The following ELMO1 variants were observed in gnomAD, a reference collection of about 807,000 sequenced individuals.
The protein encoded by ELMO1 is engulfment and cell motility protein 1.
In ELMO1, 26 loss-of-function variants were observed where a neutral mutation model predicts 98.9. The ratio of observed to expected loss-of-function variants is 0.26; its 90% confidence interval spans 0.19 to 0.36. The LOEUF (loss-of-function observed/expected upper bound fraction) is 0.36. Ranked by LOEUF, ELMO1 falls within the 10% of genes least tolerant of loss-of-function variation. The probability of loss-of-function intolerance (pLI) is 1.00; values close to 1 mark genes in which losing one functional copy is unlikely to be tolerated. For synonymous variants in ELMO1, 346 were observed against 346.0 expected (o/e 1.00, Z 0.00); for missense variants, 627 against 935.2 (o/e 0.67, Z 4.30).
chr7:37,037,923 G>A (rs887553830), intron 15 of ELMO1, among the ~76,000 whole-genome samples: 2 of 152,088 alleles, frequency 1.3e-5, no homozygotes, highest in African/African-American at 2.4e-5. Context: ...GTAGCACATT[G>A]GAAAGACAGC....
chr7:36,898,902 A>G (rs1179520154), intron 16 of ELMO1, among the ~76,000 whole-genome samples: 1 of 152,146 alleles, frequency 6.6e-6, no homozygotes, highest in Non-Finnish European at 1.5e-5. Flanking sequence ...ACAGGGGAGC[A>G]AGGGGTCAGG....
chr7:36,997,402 T>C (rs749369120), intron 16 of ELMO1, among the ~76,000 whole-genome samples: 1 of 152,198 alleles, frequency 6.6e-6, no homozygotes, highest in Non-Finnish European at 1.5e-5. Flanking sequence ...GGGGCTGAGA[T>C]AATGGTGCAG....
rs147684179 is a variant in ELMO1, at chr7:37,126,995, G to A, written c.1191+6135C>T. On this transcript the variant is annotated intron_variant, in intron 14 of 21. Coordinates refer to ENST00000310758, the MANE Select transcript of ELMO1 (RefSeq NM_014800.11). The stretch of plus-strand genomic sequence containing the variant: ...ATGCATTCGGATTTTATTGTTGGGC[G>A]TTAAATGTTTATCTAACTTTTTTAG... 7.2e-5 allele frequency among the ~76,000 whole-genome samples: 11 copies of A among 152,254 alleles called. No homozygotes were observed. In the East Asian group the frequency reaches 1.9e-3, roughly 27 times the overall value.
chr7:37,258,046 G>A (rs1412578543), intron 6 of ELMO1, among the ~76,000 whole-genome samples: 1 of 151,702 alleles, frequency 6.6e-6, no homozygotes, highest in Non-Finnish European at 1.5e-5. Context: ...AAGGCAGGCA[G>A]ATCACGAGGT....
chr7:37,063,609 A>G (rs918867083), intron 15 of ELMO1, among the ~76,000 whole-genome samples: 1 of 152,176 alleles, frequency 6.6e-6, no homozygotes, highest in Non-Finnish European at 1.5e-5. Context: ...CCATGATCAC[A>G]GTCTTTCTCT....
intron 16 of ELMO1, among the ~76,000 whole-genome samples, chr7:36,967,078 G>A (rs906908680): frequency 7.9e-5 from 12 of 152,304 alleles, no homozygotes; most frequent in African/African-American, 2.4e-4. Context: ...AGTGTTCACT[G>A]GAGGACATTA....
chr7:36,868,338 TC>T (rs1347007735), intron 20 of ELMO1, among the ~76,000 whole-genome samples: 1 of 107,424 alleles, frequency 9.3e-6, no homozygotes, highest in East Asian at 2.8e-4. Flanking sequence ...TTCTTCTTCT[TC>T]TTCTTCTTCT....
chr7:36,913,089 A>G (rs891792890), intron 16 of ELMO1, among the ~76,000 whole-genome samples: 8 of 152,210 alleles, frequency 5.3e-5, no homozygotes, highest in Non-Finnish European at 1.2e-4. Context: ...ACCCCATCAG[A>G]CAAGGAACGG....
At chr7:36,889,471 C>A (rs1002181437) in intron 17 of ELMO1, among the ~76,000 whole-genome samples, 1 of 152,334 alleles carries the variant, frequency 6.6e-6, no homozygotes, top group East Asian at 1.9e-4. Flanking sequence ...TCCCAACTTC[C>A]AAGTCCAGGT....
intron 1 of ELMO1, among the ~76,000 whole-genome samples, chr7:37,404,895 T>C (rs1455540349): frequency 1.3e-5 from 2 of 152,206 alleles, no homozygotes. Flanking sequence ...TTGGCTCACA[T>C]CCTTTCCCCT....
rs1402471333 is a variant in ELMO1, at chr7:36,854,909, G to C, written c.*642C>G. 1.3e-5 allele frequency: 2 copies of C among 155,178 alleles called. No homozygotes were observed. Among genetic ancestry groups the C allele is most frequent in the African/African-American group, 2.4e-5 (1 of 41,448 alleles). The allele number at this position is 155,178 out of a possible 1,614,324, so 9.6% of individuals were successfully genotyped here. A position where few individuals can be genotyped will look rare whatever the true frequency, so the allele number is the denominator to read the frequency against. On this transcript the variant is annotated 3_prime_UTR_variant, in exon 22 of 22. Transcript: ENST00000310758. ...ACAGTGCAGACGCAAAGTGGGCATG[G>C]GACCTGTGGACTGTTTGGGAAATTT...
intron 16 of ELMO1, among the ~76,000 whole-genome samples, chr7:36,951,208 T>C (rs533663592): frequency 1.3e-5 from 2 of 152,162 alleles, no homozygotes; most frequent in Non-Finnish European, 2.9e-5. Flanking sequence ...GCAATAGAGA[T>C]CATCTTAAAA....
intron 4 of ELMO1, among the ~76,000 whole-genome samples, chr7:37,284,315 C>T (rs1199336892): frequency 6.6e-6 from 1 of 152,200 alleles, no homozygotes; most frequent in Non-Finnish European, 1.5e-5. Flanking sequence ...GAAACATTTA[C>T]AGCTTTTGAG....
intron 4 of ELMO1, among the ~76,000 whole-genome samples, chr7:37,304,540 ACT>A (rs1199952348): frequency 6.6e-6 from 1 of 151,872 alleles, no homozygotes; most frequent in Non-Finnish European, 1.5e-5. Context: ...ACATGGTGAA[ACT>A]CTGTCTCTAC....
chr7:37,384,608 C>T (rs768200625), intron 1 of ELMO1, among the ~76,000 whole-genome samples: 20 of 151,982 alleles, frequency 1.3e-4, no homozygotes, highest in Non-Finnish European at 1.0e-4. Flanking sequence ...TAGTCCCAGC[C>T]ACTCGGGAGA....
intron 7 of ELMO1, among the ~76,000 whole-genome samples, chr7:37,240,033 TTTTTTTTTTTC>T (rs1794676365): frequency 7.6e-6 from 1 of 131,712 alleles, no homozygotes; most frequent in Non-Finnish European, 1.6e-5. Context: ...ATTTTCTTTC[TTTTTTTTTTTC>T]TTTTTTTTTT....
At chr7:37,020,719 A>G (rs1431866968) in intron 15 of ELMO1, among the ~76,000 whole-genome samples, 2 of 152,156 alleles carry the variant, frequency 1.3e-5, no homozygotes, top group African/African-American at 2.4e-5. Context: ...CACTGGGCAA[A>G]TATGAATATT....
At chr7:37,429,330 G>C (rs1804835726) in intron 1 of ELMO1, 1 of 152,270 alleles carries the variant, frequency 6.6e-6, no homozygotes, top group Admixed American at 6.5e-5. Flanking sequence ...TGCAGACTAA[G>C]GGATGGAACA....
intron 1 of ELMO1, among the ~76,000 whole-genome samples, chr7:37,360,987 A>T (rs1801677357): frequency 6.6e-6 from 1 of 152,272 alleles, no homozygotes; most frequent in African/African-American, 2.4e-5. Context: ...TTTGAATATT[A>T]ATAAGTATTT....
Sources: gnomAD v4.1 joint callset for allele counts (sites outside exome capture counted in the v4.1 genomes callset) on GRCh38, gnomAD v4.1.1 for gene constraint, MANE v1.5 for transcripts, NCBI Gene and HGNC (gene_info 2026-07-23, HGNC 2026-07-21) for gene names.